ZCWPW2: variants seen among roughly 807,000 people sequenced by gnomAD.
ZCWPW2 encodes the protein zinc finger CW-type and PWWP domain containing 2, also known as zinc finger CW-type PWWP domain protein 2.
A neutral mutation model predicts 46.6 loss-of-function variants in ZCWPW2; 45 were observed. The observed-to-expected ratio is 0.96, with a 90% CI of 0.76 to 1.24. ZCWPW2 has a LOEUF of 1.24. Ranked by LOEUF, ZCWPW2 falls within the 50% of genes most tolerant of loss-of-function variation. The probability of loss-of-function intolerance (pLI) is 0.00; values close to 1 mark genes in which losing one functional copy is unlikely to be tolerated. For synonymous variants in ZCWPW2, 152 were observed against 137.1 expected (o/e 1.11, Z -0.76); for missense variants, 429 against 403.9 (o/e 1.06, Z -0.53).
At chr3:28,413,572 T>C (rs996027280) in intron 3 of ZCWPW2, among the ~76,000 whole-genome samples, 172 bp downstream of exon 3, 1 of 152,220 alleles carries the variant, frequency 6.6e-6, no homozygotes. Context: ...ATGGGAAAGT[T>C]AGGTAACTGA....
intron 5 of ZCWPW2, among the ~76,000 whole-genome samples, chr3:28,479,233 A>G (rs576616785): frequency 1.3e-5 from 2 of 152,300 alleles, no homozygotes; most frequent in East Asian, 1.9e-4. Flanking sequence ...TTTCAAAGGC[A>G]TATATTTCAC....
intron 4 of ZCWPW2, among the ~76,000 whole-genome samples, chr3:28,452,199 A>G (rs1181932646): frequency 6.6e-6 from 1 of 152,202 alleles, no homozygotes; most frequent in Non-Finnish European, 1.5e-5. Context: ...CTTTGGCTTG[A>G]AGGATAGCTC....
At position 28,478,834 on chromosome 3, in the gene ZCWPW2, A is replaced by G; in HGVS notation, c.513A>G (p.Lys171=). The G allele has an allele frequency of 6.4e-7, 1 of 1,556,352 alleles. No homozygotes were observed. The part of the protein sequence containing the change: ...ITLKPEKCKN[K]KKWYKSALQE... Reference sequence around the variant, plus strand: ...TATAGCCAGAAAAGTGTAAGAATAAAAAGAAGTGGTATAAAAGTGCACTAC... The same window carrying G: ...TATAGCCAGAAAAGTGTAAGAATAAGAAGAAGTGGTATAAAAGTGCACTAC... The change falls in exon 5 of 10, where the codon AAA becomes AAG. Residue 171 remains lysine (K), a synonymous_variant. Transcript: ENST00000383768.
intron 6 of ZCWPW2, chr3:28,511,081 A>G (rs966226576): frequency 4.4e-6 from 2 of 455,860 alleles, no homozygotes; most frequent in African/African-American, 4.0e-5. Flanking sequence ...GGCATAATCA[A>G]TGCTGAAGTG....
chr3:28,381,950 G>A (rs1307486301), intron 1 of ZCWPW2, among the ~76,000 whole-genome samples: 2 of 151,998 alleles, frequency 1.3e-5, no homozygotes, highest in Admixed American at 6.6e-5. Flanking sequence ...ATCACCTGAG[G>A]TCAGGAGTTC....
At chr3:28,404,143 A>G (rs1457992899) in intron 2 of ZCWPW2, among the ~76,000 whole-genome samples, 1 of 152,150 alleles carries the variant, frequency 6.6e-6, no homozygotes, top group African/African-American at 2.4e-5. Flanking sequence ...ACATCTGACA[A>G]AGGACTAATA....
intron 1 of ZCWPW2, among the ~76,000 whole-genome samples, chr3:28,356,610 T>C (rs546131200): frequency 2.0e-5 from 3 of 152,310 alleles, no homozygotes; most frequent in Admixed American, 2.0e-4. Context: ...AACCCAAATG[T>C]CCATCAGTGA....
rs117142174 is a variant in ZCWPW2 at position 28,489,445 on chromosome 3, T to C, written c.611-2682T>C. Reference sequence around the variant, plus strand: ...ATATACTATGAGATTTTAGTGATCTTATTTTTTCCCATTTCTTGAAACACG... The same window carrying C: ...ATATACTATGAGATTTTAGTGATCTCATTTTTTCCCATTTCTTGAAACACG... On this transcript the variant is annotated intron_variant, in intron 5 of 9. Transcript: ENST00000383768. 1.2e-3 allele frequency among the ~76,000 whole-genome samples: 186 copies of C among 152,196 alleles called. 3 individuals carry two copies. The East Asian group carries it at 0.031, about 26-fold the overall frequency.
At chr3:28,451,312 G>A (rs1024777442) in intron 4 of ZCWPW2, among the ~76,000 whole-genome samples, 1 of 152,088 alleles carries the variant, frequency 6.6e-6, no homozygotes, top group Non-Finnish European at 1.5e-5. Context: ...TGGAAGAAAC[G>A]GAGACTCAGC....
intron 1 of ZCWPW2, among the ~76,000 whole-genome samples, chr3:28,358,456 G>T (rs922243975): frequency 4.6e-5 from 7 of 151,968 alleles, no homozygotes; most frequent in Admixed American, 1.3e-4. Flanking sequence ...AAAAATAATT[G>T]TCAAATTCTC....
chr3:28,510,952 A>G (rs1485876764), intron 6 of ZCWPW2: 2 of 416,132 alleles, frequency 4.8e-6, no homozygotes, highest in African/African-American at 2.0e-5. Flanking sequence ...CATGGTCACT[A>G]AGGGAACCAG....
intron 1 of ZCWPW2, chr3:28,351,475 C>T (rs1005803471): frequency 1.3e-5 from 2 of 151,438 alleles, no homozygotes; most frequent in Admixed American, 1.3e-4. Context: ...TGTAGCTTAG[C>T]CTTTTTACTT....
At chr3:28,426,325 C>G (rs1283126739) in intron 3 of ZCWPW2, among the ~76,000 whole-genome samples, 2 of 151,502 alleles carry the variant, frequency 1.3e-5, no homozygotes, top group East Asian at 3.9e-4. Flanking sequence ...TGGTGCATAT[C>G]TCACTTAATT....
At position 28,515,622 on chromosome 3, in the gene ZCWPW2, G is replaced by T; in HGVS notation, c.784+1G>T. 1.2e-6 allele frequency: 2 copies of T among 1,601,942 alleles called. No individual in the cohort carries two copies. The highest frequency in any genetic ancestry group is 1.7e-6 in the Non-Finnish European group (2 of 1,178,434). On this transcript the variant is annotated splice_donor_variant, in intron 8 of 9. Transcript: ENST00000383768. LOFTEE classifies it high-confidence loss of function. ...GATGCCTTATCAAAGGAGAACAGGG[G>T]TATGTGAAAGCCTGTCCTGCTTTTA... is the stretch of plus-strand genomic sequence containing the variant.
intron 1 of ZCWPW2, among the ~76,000 whole-genome samples, chr3:28,362,348 T>C (rs1029912307): frequency 5.3e-5 from 8 of 152,072 alleles, no homozygotes; most frequent in African/African-American, 1.7e-4. Context: ...GAATGGGAGA[T>C]ATTATCCAGA....
At chr3:28,479,467 A>G (rs1466602546) in intron 5 of ZCWPW2, among the ~76,000 whole-genome samples, 1 of 152,186 alleles carries the variant, frequency 6.6e-6, no homozygotes, top group African/African-American at 2.4e-5. Flanking sequence ...ACTATGGTAT[A>G]TAGTTAGCTT....
intron 6 of ZCWPW2, among the ~76,000 whole-genome samples, chr3:28,496,988 A>G (rs1700007198): frequency 6.6e-6 from 1 of 150,460 alleles, no homozygotes; most frequent in African/African-American, 2.4e-5. Context: ...ATACGTAAGT[A>G]CTTATATACA....
At chr3:28,430,413 A>T (rs1697208683) in intron 3 of ZCWPW2, among the ~76,000 whole-genome samples, 1 of 152,234 alleles carries the variant, frequency 6.6e-6, no homozygotes. Context: ...CTCACATGGT[A>T]TCTAAGAATT....
At chr3:28,455,305 G>A (rs1238680761) in intron 4 of ZCWPW2, among the ~76,000 whole-genome samples, 2 of 152,142 alleles carry the variant, frequency 1.3e-5, no homozygotes, top group Non-Finnish European at 2.9e-5. Context: ...GTCTGTTCAT[G>A]TACTTGGCCC....
Sources: gnomAD v4.1 joint callset for allele counts (sites outside exome capture counted in the v4.1 genomes callset) on GRCh38, gnomAD v4.1.1 for gene constraint, MANE v1.5 for transcripts, NCBI Gene and HGNC (gene_info 2026-07-23, HGNC 2026-07-21) for gene names.